The following SLC14A2 variants were observed in gnomAD, a reference collection of about 807,000 sequenced individuals.
SLC14A2 encodes the protein urea transporter 2.
In SLC14A2, 91 loss-of-function variants were observed where a neutral mutation model predicts 104.6. The ratio of observed to expected loss-of-function variants is 0.87; its 90% CI spans 0.73 to 1.04. SLC14A2 has a LOEUF of 1.04. Among genes scored for constraint, SLC14A2 ranks in the 50% least tolerant of loss-of-function variants. SLC14A2 has a pLI of 0.00. For missense variants in SLC14A2, 1,189 were observed against 1,156.0 expected, an observed-to-expected ratio of 1.03 and a Z score of -0.41; for synonymous variants, 476 against 466.4, an observed-to-expected ratio of 1.02 and a Z score of -0.27.
At chr18:45,435,407 C>T (rs931642167) in intron 1 of SLC14A2, 3 of 152,162 alleles carry the variant, frequency 2.0e-5, no homozygotes, top group African/African-American at 7.2e-5. Flanking sequence ...TTTATTATTA[C>T]ACAGTGTGTT....
chr18:45,291,334 G>T (rs765065966), intron 1 of SLC14A2, among the ~76,000 whole-genome samples: 4 of 152,012 alleles, frequency 2.6e-5, no homozygotes, highest in Non-Finnish European at 5.9e-5. Context: ...CTCCCATAAA[G>T]GTTGCGTGGT....
At chr18:45,523,189 G>T (rs2043540644) in intron 2 of SLC14A2, among the ~76,000 whole-genome samples, 2 of 7,402 alleles carry the variant, frequency 2.7e-4, no homozygotes, top group Non-Finnish European at 6.5e-4. Context: ...TGCCAAGAAA[G>T]TTCCTCCAGC....
At chr18:45,197,589 C>A in the SLC14A2 span, among the ~76,000 whole-genome samples, 7 of 152,322 alleles carry the variant, frequency 4.6e-5, no homozygotes, top group East Asian at 7.7e-4. Flanking sequence ...AGTGACTCAG[C>A]AAATTGATTT....
chr18:45,641,200 G>T lies in SLC14A2; in HGVS notation c.992-9G>T. ...GAATCAGACAGAAATACCACACCTTGTCCCATAGCCCTGTCAGTGGCCACA... is the reference window on the plus strand; with the variant it reads ...GAATCAGACAGAAATACCACACCTTTTCCCATAGCCCTGTCAGTGGCCACA... On this transcript the variant is annotated splice_polypyrimidine_tract_variant and intron_variant, in intron 7 of 19. Coordinates refer to ENST00000255226, the MANE Select transcript of SLC14A2 (RefSeq NM_007163.4). 1 of 1,613,584 alleles carries T rather than the reference G, an allele frequency of 6.2e-7. No homozygotes were observed. The highest frequency in any genetic ancestry group is 8.5e-7 in the Non-Finnish European group (1 of 1,179,646).
At position 45,643,734 on chromosome 18, in the gene SLC14A2, A is replaced by C. The variant is rs572777061; in HGVS notation, c.1177-252A>C. ...TTTTTTTGGGTCTCACTTTGTTGCC[A>C]AGGCTGGTCTGGGCTCAAGTGATCC... On this transcript the variant is annotated intron_variant, in intron 9 of 19. Coordinates refer to ENST00000255226, the MANE Select transcript of SLC14A2 (RefSeq NM_007163.4). Among the ~76,000 whole-genome samples, 7 of 152,126 alleles carry C rather than the reference A, an allele frequency of 4.6e-5. No individual in the cohort carries two copies. The South Asian group carries it at 1.5e-3, about 32-fold the overall frequency.
chr18:45,490,735 T>C (rs1213221829), intron 2 of SLC14A2, among the ~76,000 whole-genome samples: 3 of 152,126 alleles, frequency 2.0e-5, no homozygotes, highest in Non-Finnish European at 1.5e-5. Flanking sequence ...TCTCCAAAAA[T>C]GTGTGTATAT....
Position 45,518,212 on chromosome 18 carries a change from G to C in SLC14A2, c.-35+34890G>C, listed in dbSNP as rs1241735171. ...AGGCCTCTGAAACATCTTTGAGATT[G>C]TCCATCTCATTTCACAGCTGATGCA... On this transcript the variant is annotated intron_variant, in intron 2 of 20. Transcript: ENST00000586448. 2.0e-5 allele frequency among the ~76,000 whole-genome samples: 3 copies of C among 152,110 alleles called. No homozygotes were observed. The East Asian group carries it at 5.8e-4, about 29-fold the overall frequency.
intron 1 of SLC14A2, among the ~76,000 whole-genome samples, chr18:45,457,325 G>A (rs1038296935): frequency 2.6e-5 from 4 of 152,094 alleles, no homozygotes; most frequent in African/African-American, 9.7e-5. Flanking sequence ...CAGACGTACA[G>A]CATCTCTGGT....
chr18:45,242,560 G>A (rs1032903228), intron 1 of SLC14A2, among the ~76,000 whole-genome samples: 12 of 152,268 alleles, frequency 7.9e-5, no homozygotes, highest in Non-Finnish European at 1.5e-4. Context: ...CCAGTAAAGC[G>A]ACTGCCAGCA....
chr18:45,536,038 G>T (rs2043775603), intron 2 of SLC14A2, among the ~76,000 whole-genome samples: 1 of 152,208 alleles, frequency 6.6e-6, no homozygotes, highest in African/African-American at 2.4e-5. Flanking sequence ...AGATGTTCTA[G>T]AGTTTTAACC....
chr18:45,180,463 A>G, the SLC14A2 span, among the ~76,000 whole-genome samples: 3 of 152,210 alleles, frequency 2.0e-5, no homozygotes, highest in East Asian at 5.8e-4. Context: ...TAAGCACTGA[A>G]ATCATTCACT....
chr18:45,503,649 C>T (rs185339571), intron 2 of SLC14A2, among the ~76,000 whole-genome samples: 8 of 152,186 alleles, frequency 5.3e-5, no homozygotes, highest in African/African-American at 1.4e-4. Context: ...TCTTTCTTGG[C>T]AACTCTAGTT....
At chr18:45,480,691 C>G (rs899193684) in intron 1 of SLC14A2, among the ~76,000 whole-genome samples, 2 of 152,212 alleles carry the variant, frequency 1.3e-5, no homozygotes, top group African/African-American at 4.8e-5. Context: ...GCCACCTTCC[C>G]CCTCCCCTGG....
chr18:45,206,568 T>A, the SLC14A2 span, among the ~76,000 whole-genome samples: 1 of 152,218 alleles, frequency 6.6e-6, no homozygotes, highest in Non-Finnish European at 1.5e-5. Context: ...TATGATTATA[T>A]TTTTGTATGC....
chr18:45,235,618 T>A (rs2084217374), intron 1 of SLC14A2, among the ~76,000 whole-genome samples: 1 of 151,896 alleles, frequency 6.6e-6, no homozygotes, highest in Non-Finnish European at 1.5e-5. Context: ...TTCTACTCTC[T>A]ACTTTCTGTG....
chr18:45,530,871 C>T (rs1403621459), intron 2 of SLC14A2, among the ~76,000 whole-genome samples: 2 of 151,934 alleles, frequency 1.3e-5, no homozygotes, highest in Non-Finnish European at 2.9e-5. Context: ...CACAACAGTC[C>T]CTGGTGTGTG....
chr18:45,584,424 G>A (rs1333541383), intron 2 of SLC14A2, among the ~76,000 whole-genome samples: 1 of 152,172 alleles, frequency 6.6e-6, no homozygotes, highest in Admixed American at 6.5e-5. Flanking sequence ...CTTTGTATGT[G>A]GGGTTGAAGG....
chr18:45,190,158 A>G, the SLC14A2 span, among the ~76,000 whole-genome samples: 9 of 152,346 alleles, frequency 5.9e-5, no homozygotes, highest in Admixed American at 2.0e-4. Flanking sequence ...AGTGATTTTT[A>G]TAATTACTTG....
At chr18:45,451,012 C>T (rs2086848904) in intron 1 of SLC14A2, among the ~76,000 whole-genome samples, 1 of 152,184 alleles carries the variant, frequency 6.6e-6, no homozygotes, top group South Asian at 2.1e-4. Flanking sequence ...GTTTATACAC[C>T]AGCTCCCAAG....
Sources: allele counts gnomAD v4.1 joint callset (sites outside exome capture counted in the v4.1 genomes callset), GRCh38; gene constraint gnomAD v4.1.1; transcripts MANE v1.5; gene names NCBI Gene and HGNC (gene_info 2026-07-23, HGNC 2026-07-21).